The following CDIN1 variants were observed in gnomAD, a reference collection of about 807,000 sequenced individuals.
The protein encoded by CDIN1 is CDAN1 interacting nuclease 1.
CDIN1 carries 33 observed loss-of-function variants against 45.3 expected under a neutral mutation model. The observed-to-expected ratio is 0.73, with a 90% confidence interval of 0.55 to 0.97. The LOEUF is 0.97. Among genes scored for constraint, CDIN1 ranks in the 50% least tolerant of loss-of-function variants. The pLI is 0.00. For missense variants in CDIN1, 303 were observed against 339.4 expected (o/e 0.89, Z 0.84); for synonymous variants, 118 against 124.4 (o/e 0.95, Z 0.34).
chr15:36,719,608 A>C (rs950379896), intron 10 of CDIN1, among the ~76,000 whole-genome samples: 1 of 152,088 alleles, frequency 6.6e-6, no homozygotes, highest in East Asian at 1.9e-4. Context: ...TTTATCTGGT[A>C]TTGGTATTAG....
chr15:36,728,342 A>G (rs16963944), intron 10 of CDIN1, among the ~76,000 whole-genome samples: 24,773 of 152,032 alleles, frequency 0.16, 2,388 homozygotes, highest in Admixed American at 0.28. Context: ...AGTAACCAAC[A>G]TTAAAATAGT....
chr15:36,750,499 G>A (rs962882061), intron 10 of CDIN1, among the ~76,000 whole-genome samples: 3 of 152,258 alleles, frequency 2.0e-5, no homozygotes, highest in Non-Finnish European at 4.4e-5. Context: ...TATGTACCAG[G>A]CATCCAAGGA....
intron 1 of CDIN1, among the ~76,000 whole-genome samples, chr15:36,608,976 T>TAG (rs2038513822): frequency 2.2e-4 from 33 of 149,440 alleles, no homozygotes; most frequent in African/African-American, 5.7e-4. Context: ...TATGTGTGTA[T>TAG]ATAGATAGAT....
intron 1 of CDIN1, among the ~76,000 whole-genome samples, chr15:36,640,251 G>T: frequency 6.6e-6 from 1 of 152,248 alleles, no homozygotes; most frequent in Non-Finnish European, 1.5e-5. Context: ...GTGGCAGGGG[G>T]CGTTGGGGGA....
intron 1 of CDIN1, among the ~76,000 whole-genome samples, chr15:36,587,262 A>G (rs1488282808): frequency 6.6e-6 from 1 of 152,122 alleles, no homozygotes; most frequent in Non-Finnish European, 1.5e-5. Context: ...GGATTATGAC[A>G]TAGGCAACCA....
At chr15:36,795,081 G>T (rs2141101590) in intron 10 of CDIN1, among the ~76,000 whole-genome samples, 1 of 152,252 alleles carries the variant, frequency 6.6e-6, no homozygotes, top group Middle Eastern at 3.4e-3. Context: ...GGCTTCAAAA[G>T]TTGATCTCAT....
chr15:36,806,975 G>A (rs757062952), intron 10 of CDIN1, among the ~76,000 whole-genome samples: 5 of 152,016 alleles, frequency 3.3e-5, no homozygotes, highest in Non-Finnish European at 7.4e-5. Context: ...AATCTCAGTG[G>A]GCCTGGTGCT....
chr15:36,750,658 A>G (rs74008766), intron 10 of CDIN1, among the ~76,000 whole-genome samples: 3,372 of 152,198 alleles, frequency 0.022, 113 homozygotes, highest in African/African-American at 0.078. Context: ...ACCTGTTTTG[A>G]TCCAGCTGCC....
At position 36,709,914 on chromosome 15, in the gene CDIN1, T is replaced by G; in HGVS notation, c.669T>G (p.Cys223Trp). ...GCAAAGCCTCATTTGGTGATGAATG[T>G]AGCCACCACGCCTACCTGCATGACC... ...IESKASFGDE[C>W]SHHAYLHDQF... Residue 223 changes from cysteine to tryptophan, a missense_variant, in exon 10 of 11, where the codon TGT (cysteine) becomes TGG (tryptophan). Cys to Trp is a radical substitution (Grantham distance 215). Coordinates refer to ENST00000566621, the MANE Select transcript of CDIN1 (RefSeq NM_001321759.2). 4.3e-6 allele frequency: 7 copies of G among 1,613,376 alleles called. No homozygotes were observed. Among genetic ancestry groups the G allele is most frequent in the Non-Finnish European group, 5.9e-6 (7 of 1,179,478 alleles).
rs151015987 is a variant in CDIN1 at position 36,802,481 on chromosome 15, G to A, written c.717-5843G>A. 2.7e-4 allele frequency among the ~76,000 whole-genome samples: 41 copies of A among 152,192 alleles called. No homozygotes were observed. The East Asian group carries it at 5.2e-3, about 19-fold the overall frequency. ...AAGATGATATCTAATAGTATGATTC[G>A]AAACCTCTAAATTCCTTCATCTGCC... On this transcript the variant is annotated intron_variant, in intron 10 of 10. Transcript: ENST00000566621.
At chr15:36,625,930 C>T (rs1409952636) in intron 1 of CDIN1, among the ~76,000 whole-genome samples, 1 of 151,918 alleles carries the variant, frequency 6.6e-6, no homozygotes, top group East Asian at 1.9e-4. Flanking sequence ...TATTTTGTTA[C>T]CTTTTATTTC....
intron 10 of CDIN1, among the ~76,000 whole-genome samples, chr15:36,804,893 T>C (rs2055178289): frequency 6.6e-6 from 1 of 151,804 alleles, no homozygotes; most frequent in African/African-American, 2.4e-5. Context: ...CAGGCTGGTC[T>C]CAAACTCCTG....
chr15:36,596,587 T>C (rs1417541794), intron 1 of CDIN1, among the ~76,000 whole-genome samples: 5 of 152,292 alleles, frequency 3.3e-5, no homozygotes, highest in Admixed American at 3.3e-4. Flanking sequence ...TGATATAAAG[T>C]GCTCTTATGT....
chr15:36,691,621 CT>C, intron 5 of CDIN1, 63 bp from the exon 6 acceptor site: 1 of 1,020,072 alleles, frequency 9.8e-7, no homozygotes, highest in Non-Finnish European at 1.5e-6. Flanking sequence ...ATATATGTCA[CT>C]CCTCATGTTG....
chr15:36,793,502 G>T (rs1265132638), intron 10 of CDIN1, among the ~76,000 whole-genome samples: 1 of 152,086 alleles, frequency 6.6e-6, no homozygotes, highest in Admixed American at 6.6e-5. Context: ...GCATTTTTGG[G>T]GGATTAGATA....
At position 36,618,749 on chromosome 15, in the gene CDIN1, G is replaced by T; in HGVS notation, c.102-25529G>T. ...TGTGCAGCTGAGCCTACTGCATTAA[G>T]CACAACTCAGCCAAAAAAAAAAAAA... On this transcript the variant is annotated intron_variant, in intron 1 of 10. Transcript: ENST00000566621. 5.7e-6 allele frequency: 4 copies of T among 703,262 alleles called. No individual in the cohort carries two copies. The South Asian group carries it at 5.9e-5, about 10-fold the overall frequency. The allele number at this position is 703,262 out of a possible 1,614,324, so 43.6% of individuals were successfully genotyped here. A position where few individuals can be genotyped will look rare whatever the true frequency, so the allele number is the denominator to read the frequency against.
intron 5 of CDIN1, among the ~76,000 whole-genome samples, chr15:36,660,299 A>G (rs1255619664): frequency 6.6e-6 from 1 of 152,116 alleles, no homozygotes; most frequent in Non-Finnish European, 1.5e-5. Context: ...TATAGGGGAA[A>G]TCACCTCAGC....
At chr15:36,755,287 A>G (rs1055746445) in intron 10 of CDIN1, among the ~76,000 whole-genome samples, 2 of 152,198 alleles carry the variant, frequency 1.3e-5, no homozygotes, top group African/African-American at 4.8e-5. Flanking sequence ...GATTAACATC[A>G]CAACCATCAC....
intron 1 of CDIN1, among the ~76,000 whole-genome samples, chr15:36,633,753 CTTT>C (rs111912823): frequency 7.0e-6 from 1 of 142,950 alleles, no homozygotes; most frequent in Admixed American, 7.0e-5. Flanking sequence ...ACCCATGATA[CTTT>C]TTTTTTTTTT....
Sources: allele counts gnomAD v4.1 joint callset (sites outside exome capture counted in the v4.1 genomes callset), GRCh38; gene constraint gnomAD v4.1.1; transcripts MANE v1.5; gene names NCBI Gene and HGNC (gene_info 2026-07-23, HGNC 2026-07-21).